UNC13C: variants seen among roughly 807,000 people sequenced by gnomAD.
The protein encoded by UNC13C is protein unc-13 homolog C.
Under a neutral mutation model 245.4 loss-of-function variants are expected in UNC13C, and 174 were observed. That is an observed-to-expected ratio of 0.71 (90% CI 0.63 to 0.80). The LOEUF is 0.80. Among genes scored for constraint, UNC13C ranks in the 30% least tolerant of loss-of-function variants. UNC13C has a pLI of 0.00. For missense variants in UNC13C, 2,829 were observed against 2,602.9 expected (o/e 1.09, Z -1.89); for synonymous variants, 992 against 895.1 (o/e 1.11, Z -1.93).
chr15:54,193,560 C>G (rs534319611), intron 4 of UNC13C, among the ~76,000 whole-genome samples: 1 of 152,090 alleles, frequency 6.6e-6, no homozygotes, highest in African/African-American at 2.4e-5. Context: ...TCCCTCTGGT[C>G]CCACCTACCA....
At position 54,321,970 on chromosome 15, in the gene UNC13C, T is replaced by A. The variant is rs747308329; in HGVS notation, c.4300T>A (p.Cys1434Ser). The A allele has an allele frequency of 6.3e-7, 1 of 1,583,730 alleles. No homozygotes were observed. The highest frequency in any genetic ancestry group is 8.6e-7 in the Non-Finnish European group (1 of 1,163,492). ...TTCATGTCTGTCTTCTAAATACATG[T>A]GCCCCGGTGTCCCTGCCGTCATGAG... ...HFSCLSSKYM[C>S]PGVPAVMSTL... The change falls in exon 14 of 33, where the codon TGC becomes AGC. Residue 1434 changes from cysteine to serine, a missense_variant. Physicochemically the swap from Cys to Ser is moderately radical, Grantham distance 112 (BLOSUM62 -1). Transcript: ENST00000260323.
At chr15:54,577,650 ACT>A (rs1278375251) in intron 30 of UNC13C, among the ~76,000 whole-genome samples, 2 of 150,766 alleles carry the variant, frequency 1.3e-5, no homozygotes, top group Non-Finnish European at 3.0e-5. Context: ...TTCCTAGAAA[ACT>A]CTCTCTTTCC....
the UNC13C span, among the ~76,000 whole-genome samples, chr15:53,838,790 T>G: frequency 6.6e-6 from 1 of 152,022 alleles, no homozygotes; most frequent in Admixed American, 6.6e-5. Context: ...AAGAGCTTGT[T>G]AAAACATGTA....
chr15:54,013,656 G>A lies in UNC13C; in HGVS notation c.753G>A (p.Gln251=), dbSNP rs1895492098. Residue 251 remains glutamine, a synonymous_variant, in exon 2 of 33, where the codon CAG becomes CAA. Transcript: ENST00000260323. ...TGGAAATGATCTTTAAGGAACTTCA[G>A]GGAATAAGTCAGATTGAAACAGAAC... is the stretch of plus-strand genomic sequence containing the variant. ...DVMEMIFKEL[Q]GISQIETELS... The A allele has an allele frequency of 6.2e-7, 1 of 1,613,690 alleles. No homozygotes were observed. The highest frequency in any genetic ancestry group is 1.7e-5 in the Admixed American group (1 of 59,946).
chr15:54,541,457 T>A (rs148831523), intron 26 of UNC13C, among the ~76,000 whole-genome samples: 1 of 152,052 alleles, frequency 6.6e-6, no homozygotes, highest in Admixed American at 6.6e-5. Flanking sequence ...TTTAATTCAC[T>A]TAGAGACTCA....
chr15:54,493,669 C>A (rs1893823688), intron 19 of UNC13C, among the ~76,000 whole-genome samples: 1 of 152,134 alleles, frequency 6.6e-6, no homozygotes, highest in Non-Finnish European at 1.5e-5. Flanking sequence ...TCACAGACCT[C>A]AAGCAGAATT....
At chr15:54,425,071 C>A (rs1314012573) in intron 19 of UNC13C, among the ~76,000 whole-genome samples, 1 of 151,766 alleles carries the variant, frequency 6.6e-6, no homozygotes, top group East Asian at 1.9e-4. Context: ...GCCTTTCTGG[C>A]CTACCAGGGA....
At chr15:53,904,497 C>T in the UNC13C span, among the ~76,000 whole-genome samples, 1 of 151,776 alleles carries the variant, frequency 6.6e-6, no homozygotes, top group Admixed American at 6.6e-5. Context: ...ATGAAAAAAA[C>T]CATTGTTTTA....
chr15:54,035,055 A>C (rs553672277), intron 2 of UNC13C, among the ~76,000 whole-genome samples: 1 of 152,276 alleles, frequency 6.6e-6, no homozygotes, highest in Non-Finnish European at 1.5e-5. Flanking sequence ...AAGTTTTAAC[A>C]TACCCTTCTT....
chr15:54,429,640 T>C (rs1390660940), intron 19 of UNC13C, among the ~76,000 whole-genome samples: 1 of 151,700 alleles, frequency 6.6e-6, no homozygotes, highest in Non-Finnish European at 1.5e-5. Flanking sequence ...CTTGTAATTT[T>C]AATCAGATTT....
intron 4 of UNC13C, among the ~76,000 whole-genome samples, chr15:54,160,854 T>C (rs1162081533): frequency 6.6e-6 from 1 of 152,212 alleles, no homozygotes; most frequent in Non-Finnish European, 1.5e-5. Flanking sequence ...ATATCTCTAA[T>C]ATATTTCTGA....
chr15:54,512,461 C>A, intron 24 of UNC13C: 1 of 432,640 alleles, frequency 2.3e-6, no homozygotes, highest in Non-Finnish European at 4.6e-6. Context: ...GCATTTTCTA[C>A]TTATTCCCAT....
intron 2 of UNC13C, among the ~76,000 whole-genome samples, chr15:54,129,282 T>C (rs1194974781): frequency 6.6e-6 from 1 of 152,202 alleles, no homozygotes; most frequent in East Asian, 1.9e-4. Flanking sequence ...CACTGCTAGA[T>C]TAATTGCAAA....
chr15:54,173,060 T>A (rs941303640), intron 4 of UNC13C, among the ~76,000 whole-genome samples: 4 of 151,820 alleles, frequency 2.6e-5, no homozygotes, highest in Admixed American at 2.6e-4. Context: ...ATGAGCCAAT[T>A]TCTGAACTCT....
intron 8 of UNC13C, among the ~76,000 whole-genome samples, chr15:54,253,688 A>ACTTAT (rs1173044819): frequency 6.6e-6 from 1 of 152,200 alleles, no homozygotes; most frequent in East Asian, 1.9e-4. Flanking sequence ...ATAACGTGTA[A>ACTTAT]GGAACTTGCT....
chr15:53,906,986 C>G, the UNC13C span, among the ~76,000 whole-genome samples: 2 of 152,046 alleles, frequency 1.3e-5, no homozygotes, highest in Non-Finnish European at 2.9e-5. Context: ...TCCAACCACC[C>G]CCCTCTCTCG....
intron 19 of UNC13C, among the ~76,000 whole-genome samples, chr15:54,437,802 T>C (rs1890303362): frequency 6.6e-6 from 1 of 151,924 alleles, no homozygotes. Context: ...GTTTCTCCTA[T>C]ACATTTTATA....
Position 54,538,177 on chromosome 15 carries a change from G to A in UNC13C, c.5696+5111G>A, listed in dbSNP as rs371573507. ...AAAAAAAAAAAAACCCATTAAAAAT[G>A]AGCAAAGCATATGAGTAGACACTTC... On this transcript the variant is annotated intron_variant, in intron 26 of 32. Transcript: ENST00000260323. 2.9e-3 allele frequency among the ~76,000 whole-genome samples: 127 copies of A among 44,012 alleles called. 1 individual carries two copies. Among genetic ancestry groups the A allele is most frequent in the Middle Eastern group, 0.042 (2 of 48 alleles). The allele number at this position is 44,012 out of a possible 152,430, so 28.9% of individuals were successfully genotyped here.
At chr15:54,235,329 A>T (rs1182728915) in intron 5 of UNC13C, among the ~76,000 whole-genome samples, 4 of 151,972 alleles carry the variant, frequency 2.6e-5, no homozygotes, top group African/African-American at 7.3e-5. Context: ...ATAAGTGGAA[A>T]TTACAATTAA....
Sources: gnomAD v4.1 joint callset for allele counts (sites outside exome capture counted in the v4.1 genomes callset) on GRCh38, gnomAD v4.1.1 for gene constraint, MANE v1.5 for transcripts, NCBI Gene and HGNC (gene_info 2026-07-23, HGNC 2026-07-21) for gene names.